The following FAM135A variants were observed in gnomAD, a reference collection of about 807,000 sequenced individuals.
FAM135A encodes family with sequence similarity 135 member A, also known as protein FAM135A.
In FAM135A, 79 loss-of-function variants were observed where a neutral mutation model predicts 146.8. The observed-to-expected ratio is 0.54, with a 90% CI of 0.45 to 0.65. The LOEUF (loss-of-function observed/expected upper bound fraction) is 0.65. FAM135A is among the 30% of genes least tolerant of loss of function. The pLI is 0.00. For missense variants in FAM135A, 1,623 were observed against 1,758.2 expected (o/e 0.92, Z 1.38); for synonymous variants, 562 against 603.6 (o/e 0.93, Z 1.01).
At chr6:70,486,482 CTG>C (rs1273310921) in intron 10 of FAM135A, among the ~76,000 whole-genome samples, 34 of 152,170 alleles carry the variant, frequency 2.2e-4, no homozygotes, top group Admixed American at 2.2e-3. Flanking sequence ...GCAAAACTCA[CTG>C]GCTTTTTTCA....
intron 7 of FAM135A, among the ~76,000 whole-genome samples, chr6:70,476,935 A>G (rs1397498369): frequency 2.6e-5 from 4 of 152,168 alleles, no homozygotes; most frequent in African/African-American, 9.7e-5. Context: ...AAAATAGTTC[A>G]TATCATGGAC....
chr6:70,517,662 A>G (rs999664280), intron 12 of FAM135A, among the ~76,000 whole-genome samples: 16 of 151,974 alleles, frequency 1.1e-4, no homozygotes, highest in African/African-American at 3.4e-4. Context: ...CAGGTGATCC[A>G]CCTGCCTCGG....
chr6:70,423,795 A>G (rs962500682), intron 2 of FAM135A, among the ~76,000 whole-genome samples: 4 of 152,184 alleles, frequency 2.6e-5, no homozygotes, highest in African/African-American at 4.8e-5. Context: ...TAATATTCCT[A>G]TATTTCTTCC....
At position 70,560,052 on chromosome 6, in the gene FAM135A, A is replaced by G; in HGVS notation, c.*131A>G. 1 of 720,828 alleles carries G rather than the reference A, an allele frequency of 1.4e-6. No individual in the cohort carries two copies. The highest frequency in any genetic ancestry group is 2.2e-6 in the Non-Finnish European group (1 of 459,874). 44.7% of individuals were successfully genotyped at this position (720,828 alleles called of 1,614,324 possible). ...CCTTTTTATATGGAAGATAATTTAT[A>G]TCATCCATGTTTAGTGCTTTTTAAA... On this transcript the variant is annotated 3_prime_UTR_variant, in exon 22 of 22. Coordinates refer to ENST00000418814, the MANE Select transcript of FAM135A (RefSeq NM_001162529.3).
At chr6:70,552,138 G>GTACA (rs1369906481) in intron 20 of FAM135A, among the ~76,000 whole-genome samples, 1 of 152,108 alleles carries the variant, frequency 6.6e-6, no homozygotes, top group Non-Finnish European at 1.5e-5. Context: ...CCTTTTAAGT[G>GTACA]TACAATCTTC....
intron 4 of FAM135A, among the ~76,000 whole-genome samples, chr6:70,433,277 T>C (rs1353976589): frequency 1.3e-5 from 2 of 152,100 alleles, no homozygotes; most frequent in African/African-American, 2.4e-5. Context: ...GGTTTCACCA[T>C]GTTAGCTAGT....
intron 3 of FAM135A, among the ~76,000 whole-genome samples, chr6:70,426,986 GCTGT>G (rs1770307472): frequency 6.6e-6 from 1 of 152,114 alleles, no homozygotes; most frequent in South Asian, 2.1e-4. Flanking sequence ...TGGAACAAAG[GCTGT>G]CTATGTCTCT....
chr6:70,553,488 A>G (rs1800232315), intron 20 of FAM135A, among the ~76,000 whole-genome samples: 1 of 152,192 alleles, frequency 6.6e-6, no homozygotes, highest in Non-Finnish European at 1.5e-5. Flanking sequence ...TACTTAGCTA[A>G]ATTGAGTGGA....
chr6:70,442,257 T>G (rs1404104670), intron 4 of FAM135A, among the ~76,000 whole-genome samples: 2 of 150,886 alleles, frequency 1.3e-5, no homozygotes, highest in Non-Finnish European at 3.0e-5. Context: ...TTTTTTTTTT[T>G]GCCGAGATAT....
chr6:70,556,913 T>C (rs1057384727), intron 21 of FAM135A, 50 bp downstream of exon 21: 5 of 1,484,856 alleles, frequency 3.4e-6, no homozygotes, highest in Non-Finnish European at 4.7e-6. Flanking sequence ...ATGAGCTCTT[T>C]CCAAAATTTT....
In FAM135A at chr6:70,526,187, A is replaced by G; in HGVS notation, c.3103A>G (p.Lys1035Glu). 1 of 1,613,394 alleles carries G rather than the reference A, an allele frequency of 6.2e-7. No homozygotes were observed. The highest frequency in any genetic ancestry group is 8.5e-7 in the Non-Finnish European group (1 of 1,179,622). ...DPFSASTDIV[K>E]QGLVENYFGS... ...TTTTTCAGCCAGTACTGATATAGTA[A>G]AGCAAGGGCTTGTGGAAAATTATTT... is the stretch of plus-strand genomic sequence containing the variant. The change falls in exon 15 of 22, where the codon AAG becomes GAG. Residue 1035 changes from lysine to glutamate, a missense_variant. Coordinates refer to ENST00000418814, the MANE Select transcript of FAM135A (RefSeq NM_001162529.3).
chr6:70,420,645 A>G (rs1166023896), intron 2 of FAM135A, among the ~76,000 whole-genome samples: 1 of 152,222 alleles, frequency 6.6e-6, no homozygotes, highest in Non-Finnish European at 1.5e-5. Context: ...AGACTATGCT[A>G]TCCAATAGAA....
intron 19 of FAM135A, among the ~76,000 whole-genome samples, chr6:70,537,442 G>A (rs1419506278): frequency 1.3e-5 from 2 of 152,084 alleles, no homozygotes; most frequent in African/African-American, 4.8e-5. Flanking sequence ...TCAAGTTGGT[G>A]ATTTAAAAAT....
chr6:70,431,743 G>A (rs1771690038), intron 4 of FAM135A, among the ~76,000 whole-genome samples: 2 of 152,134 alleles, frequency 1.3e-5, no homozygotes, highest in African/African-American at 4.8e-5. Context: ...CAAGCTAAAT[G>A]TGTAAAAAGC....
chr6:70,541,675 G>C (rs1797949276), intron 20 of FAM135A, among the ~76,000 whole-genome samples: 1 of 151,918 alleles, frequency 6.6e-6, no homozygotes, highest in African/African-American at 2.4e-5. Context: ...TATATCTCTA[G>C]CTTGTCCTCT....
intron 4 of FAM135A, among the ~76,000 whole-genome samples, chr6:70,439,172 T>C (rs758765880): frequency 1.3e-5 from 2 of 151,868 alleles, no homozygotes; most frequent in Non-Finnish European, 2.9e-5. Context: ...TAAAAAAAAA[T>C]TGATGGAAAA....
At chr6:70,458,191 A>G (rs1778742337) in intron 5 of FAM135A, among the ~76,000 whole-genome samples, 2 of 152,150 alleles carry the variant, frequency 1.3e-5, no homozygotes, top group African/African-American at 2.4e-5. Flanking sequence ...TTTTAGTTAA[A>G]TGATAGCAGC....
intron 2 of FAM135A, among the ~76,000 whole-genome samples, chr6:70,416,912 G>C (rs1032730514): frequency 5.3e-5 from 8 of 152,220 alleles, no homozygotes; most frequent in Non-Finnish European, 1.2e-4. Flanking sequence ...CAACTCCACA[G>C]TAGGTTCACA....
chr6:70,461,551 AATAAGT>A (rs1197128916), intron 5 of FAM135A, among the ~76,000 whole-genome samples: 1 of 152,242 alleles, frequency 6.6e-6, no homozygotes, highest in East Asian at 1.9e-4. Context: ...ATTTCATGTT[AATAAGT>A]ATAATTTTAA....
Sources: gnomAD v4.1 joint callset for allele counts (sites outside exome capture counted in the v4.1 genomes callset) on GRCh38, gnomAD v4.1.1 for gene constraint, MANE v1.5 for transcripts, NCBI Gene and HGNC (gene_info 2026-07-23, HGNC 2026-07-21) for gene names.